Variants in KCNH7 observed in about 807,000 individuals in gnomAD.
The protein encoded by KCNH7 is potassium voltage-gated channel subfamily H member 7, also known as voltage-gated inwardly rectifying potassium channel KCNH7.
KCNH7 carries 49 observed loss-of-function variants against 120.8 expected under a neutral mutation model. That is an observed-to-expected ratio of 0.41 (90% confidence interval 0.32 to 0.51). The LOEUF is 0.51. KCNH7 is among the 20% of genes least tolerant of loss of function. The pLI is 0.38. For synonymous variants in KCNH7, 547 were observed against 516.1 expected, an observed-to-expected ratio of 1.06 and a Z score of -0.81; for missense variants, 1,097 against 1,446.6, an observed-to-expected ratio of 0.76 and a Z score of 3.92.
chr2:162,448,326 G>A (rs1033342105), intron 6 of KCNH7, among the ~76,000 whole-genome samples: 2 of 152,016 alleles, frequency 1.3e-5, no homozygotes, highest in Non-Finnish European at 2.9e-5. Context: ...GAACTACTCA[G>A]TATATAGAAA....
intron 2 of KCNH7, among the ~76,000 whole-genome samples, chr2:162,832,554 C>G (rs571836750): frequency 6.6e-6 from 1 of 152,158 alleles, no homozygotes; most frequent in South Asian, 2.1e-4. Flanking sequence ...AGTCCAAATA[C>G]TCTTTTTCCA....
chr2:162,562,914 G>T (rs1276965240), intron 2 of KCNH7, among the ~76,000 whole-genome samples: 1 of 152,162 alleles, frequency 6.6e-6, no homozygotes, highest in Admixed American at 6.5e-5. Context: ...GGCAGTTACA[G>T]GAAAGAAGAA....
At chr2:162,376,899 C>A (rs1031558639) in intron 14 of KCNH7, among the ~76,000 whole-genome samples, 1 of 152,090 alleles carries the variant, frequency 6.6e-6, no homozygotes, top group Non-Finnish European at 1.5e-5. Context: ...TTATGTAAAC[C>A]TTTAACCCTA....
chr2:162,439,376 G>A (rs563401875), intron 7 of KCNH7, among the ~76,000 whole-genome samples: 6 of 152,072 alleles, frequency 3.9e-5, no homozygotes, highest in Non-Finnish European at 8.8e-5. Flanking sequence ...ATGAAAATAA[G>A]ATACAAAAAC....
intron 6 of KCNH7, among the ~76,000 whole-genome samples, chr2:162,474,415 G>A (rs1689661812): frequency 6.6e-6 from 1 of 152,210 alleles, no homozygotes; most frequent in African/African-American, 2.4e-5. Flanking sequence ...TTTCACTGGA[G>A]TAGATCAAAA....
At chr2:162,421,747 A>T (rs979428796) in intron 9 of KCNH7, among the ~76,000 whole-genome samples, 5 of 152,320 alleles carry the variant, frequency 3.3e-5, no homozygotes, top group African/African-American at 1.2e-4. Context: ...AATAGAGTCA[A>T]ACAATGAAAG....
rs756640606 is a variant in KCNH7 at position 162,666,961 on chromosome 2, T to C, written c.308-129881A>G. On this transcript the variant is annotated intron_variant, in intron 2 of 15. Transcript: ENST00000332142. The stretch of plus-strand genomic sequence containing the variant: ...ATTTGCATATTTTCTCTCAAAACTT[T>C]ATCCATTCCACTCTTTCGTCAGAAC... Among the ~76,000 whole-genome samples the C allele has an allele frequency of 1.2e-4, 18 of 152,160 alleles. No individual in the cohort carries two copies. In the Middle Eastern group the frequency reaches 0.01, roughly 86 times the overall value.
At position 162,709,697 on chromosome 2, in the gene KCNH7, C is replaced by G. The variant is rs530967689; in HGVS notation, c.307+126840G>C. Reference sequence around the variant, plus strand: ...ACCCAAGGCAAACTCTATCTTTAAGCCTTTGTTTTTCTTACTGTGTTCAGA... The same window carrying G: ...ACCCAAGGCAAACTCTATCTTTAAGGCTTTGTTTTTCTTACTGTGTTCAGA... On this transcript the variant is annotated intron_variant, in intron 2 of 15. Coordinates refer to ENST00000332142, the MANE Select transcript of KCNH7 (RefSeq NM_033272.4). Among the ~76,000 whole-genome samples the G allele has an allele frequency of 2.6e-5, 4 of 152,232 alleles. No homozygotes were observed. The South Asian group carries it at 6.2e-4, about 24-fold the overall frequency.
At chr2:162,612,406 TCTC>T (rs1312561048) in intron 2 of KCNH7, among the ~76,000 whole-genome samples, 1 of 152,098 alleles carries the variant, frequency 6.6e-6, no homozygotes, top group African/African-American at 2.4e-5. Flanking sequence ...AGAGAAAACA[TCTC>T]CTCTAAAAAT....
intron 9 of KCNH7, among the ~76,000 whole-genome samples, chr2:162,401,849 T>C (rs2105447234): frequency 6.6e-6 from 1 of 151,968 alleles, no homozygotes; most frequent in East Asian, 2.0e-4. Flanking sequence ...ACAAGTCACT[T>C]CACCAATCTG....
chr2:162,765,894 G>T (rs747473786), intron 2 of KCNH7, among the ~76,000 whole-genome samples: 28 of 151,992 alleles, frequency 1.8e-4, no homozygotes, highest in Non-Finnish European at 3.5e-4. Flanking sequence ...CAAGTGTCGG[G>T]GACCATGCCC....
At chr2:162,450,429 A>G (rs1688730858) in intron 6 of KCNH7, among the ~76,000 whole-genome samples, 1 of 152,034 alleles carries the variant, frequency 6.6e-6, no homozygotes, top group African/African-American at 2.4e-5. Flanking sequence ...ATCATTATGC[A>G]TGTTTTATGT....
chr2:162,820,719 T>C (rs189405581), intron 2 of KCNH7, among the ~76,000 whole-genome samples: 1 of 152,314 alleles, frequency 6.6e-6, no homozygotes, highest in East Asian at 1.9e-4. Flanking sequence ...ATGTTTGTAT[T>C]AGATCTGCAA....
chr2:162,737,505 A>G (rs1687957494), intron 2 of KCNH7, among the ~76,000 whole-genome samples: 1 of 152,190 alleles, frequency 6.6e-6, no homozygotes. Context: ...GATAAAATAT[A>G]GAACTTTAGC....
Position 162,807,256 on chromosome 2 carries a change from C to CAAAAAAAAAAA in KCNH7, c.307+29270_307+29280dup, listed in dbSNP as rs745345993. 7.7e-3 allele frequency among the ~76,000 whole-genome samples: 120 copies of CAAAAAAAAAAA among 15,566 alleles called. 2 individuals are homozygous for CAAAAAAAAAAA. Among genetic ancestry groups the CAAAAAAAAAAA allele is most frequent in the East Asian group, 0.02 (13 of 656 alleles). The allele number at this position is 15,566 out of a possible 152,430, so 10.2% of individuals were successfully genotyped here. On this transcript the variant is annotated intron_variant, in intron 2 of 15. Transcript: ENST00000332142. ...TGAAAACCCATCTCCACTAAAAATA[C>CAAAAAAAAAAA]AAAAAAAAAAAAAAAAAAAAAAAAA...
At chr2:162,393,424 G>A (rs1164519353) in intron 12 of KCNH7, among the ~76,000 whole-genome samples, 1 of 151,850 alleles carries the variant, frequency 6.6e-6, no homozygotes, top group Non-Finnish European at 1.5e-5. Flanking sequence ...GAAAGAGTAT[G>A]ATATAGAACA....
intron 5 of KCNH7, 35 bp from the exon 6 acceptor site, chr2:162,504,692 A>G (rs1690808856): frequency 1.5e-6 from 2 of 1,328,876 alleles, no homozygotes; most frequent in Non-Finnish European, 2.2e-6. Flanking sequence ...AGAGTAATAT[A>G]AGAAGATATA....
Position 162,384,854 on chromosome 2 carries a change from G to A in KCNH7, c.2796C>T (p.Ser932=), listed in dbSNP as rs1573898034. ...TGGAGGAGATGAAAGATGAGGATCT[G>A]CTTTTTTTCTCTTCAAAGTGTCTCT... ...SSKRHFEEKK[S]RSSSFISSID... is the part of the protein sequence containing the mutation. Residue 932 remains serine (S), a synonymous_variant, in exon 13 of 16, where the codon AGC becomes AGT. Coordinates refer to ENST00000332142, the MANE Select transcript of KCNH7 (RefSeq NM_033272.4). The A allele has an allele frequency of 4.3e-6, 7 of 1,612,480 alleles. No homozygotes were observed. Among genetic ancestry groups the A allele is most frequent in the African/African-American group, 1.3e-5 (1 of 74,812 alleles).
intron 2 of KCNH7, among the ~76,000 whole-genome samples, chr2:162,538,487 G>A (rs1370501170): frequency 6.6e-6 from 1 of 152,012 alleles, no homozygotes; most frequent in Non-Finnish European, 1.5e-5. Context: ...GGAAATGTGA[G>A]CAAGTGCCAG....
Sources: gnomAD v4.1 joint callset for allele counts (sites outside exome capture counted in the v4.1 genomes callset) on GRCh38, gnomAD v4.1.1 for gene constraint, MANE v1.5 for transcripts, NCBI Gene and HGNC (gene_info 2026-07-23, HGNC 2026-07-21) for gene names.